The following FAM114A1 variants were observed in gnomAD, a reference collection of about 807,000 sequenced individuals.
The protein encoded by FAM114A1 is protein NOXP20.
FAM114A1 carries 62 observed loss-of-function variants against 64.3 expected under a neutral mutation model. The observed-to-expected ratio is 0.96, with a 90% CI of 0.79 to 1.19. The LOEUF is 1.19. Among genes scored for constraint, FAM114A1 ranks in the 50% most tolerant of loss-of-function variants. FAM114A1 has a pLI of 0.00. For synonymous variants in FAM114A1, 254 were observed against 251.1 expected (o/e 1.01, Z -0.11); for missense variants, 645 against 676.3 (o/e 0.95, Z 0.51).
rs1235321579 is a variant in FAM114A1, at chr4:38,940,818, G to T, written c.1537-150G>T. ...ATGAGACTAAAAAGGTGCAGCAGCG[G>T]GTATGAAGCCTGGTCTGTAGGAAGC... is the stretch of plus-strand genomic sequence containing the variant. On this transcript the variant is annotated intron_variant, in intron 13 of 14. Coordinates refer to ENST00000358869, the MANE Select transcript of FAM114A1 (RefSeq NM_138389.4). 5.5e-6 allele frequency: 4 copies of T among 727,554 alleles called. No individual in the cohort carries two copies. In the Admixed American group the frequency reaches 8.4e-5, roughly 15 times the overall value. The allele number at this position is 727,554 out of a possible 1,614,324, so 45.1% of individuals were successfully genotyped here. A position where few individuals can be genotyped will look rare whatever the true frequency, so the allele number is the denominator to read the frequency against.
At chr4:38,915,620 G>T (rs1376821679) in intron 8 of FAM114A1, among the ~76,000 whole-genome samples, 1 of 152,148 alleles carries the variant, frequency 6.6e-6, no homozygotes, top group Non-Finnish European at 1.5e-5. Context: ...CACACACCTG[G>T]GAAACCCAGC....
intron 4 of FAM114A1, among the ~76,000 whole-genome samples, chr4:38,903,260 G>T (rs915668238): frequency 6.6e-6 from 1 of 152,136 alleles, no homozygotes. Context: ...ATCTGTGATC[G>T]TTTATGTTCT....
chr4:38,911,832 CTTTTT>C (rs112484537), intron 7 of FAM114A1, among the ~76,000 whole-genome samples: 2 of 121,204 alleles, frequency 1.7e-5, no homozygotes, highest in Non-Finnish European at 3.6e-5. Context: ...TTTCTTTCTT[CTTTTT>C]TTTTTTCTTT....
chr4:38,923,386 C>G (rs1384774165), intron 9 of FAM114A1, among the ~76,000 whole-genome samples: 1 of 151,964 alleles, frequency 6.6e-6, no homozygotes, highest in Non-Finnish European at 1.5e-5. Flanking sequence ...CCACGCCCAG[C>G]TAATTTTTGT....
At chr4:38,908,473 A>C in intron 6 of FAM114A1, 119 bp from the exon 7 acceptor site, 1 of 981,328 alleles carries the variant, frequency 1.0e-6, no homozygotes, top group African/African-American at 1.6e-5. Flanking sequence ...GATGAGAAAA[A>C]ATTGTGACTT....
chr4:38,920,300 C>T (rs1719466261), intron 8 of FAM114A1, among the ~76,000 whole-genome samples: 1 of 152,110 alleles, frequency 6.6e-6, no homozygotes, highest in Non-Finnish European at 1.5e-5. Context: ...TGGCAGCACA[C>T]ACCTCCTTTC....
chr4:38,888,805 T>C (rs1464432900), intron 3 of FAM114A1, among the ~76,000 whole-genome samples: 1 of 152,206 alleles, frequency 6.6e-6, no homozygotes, highest in African/African-American at 2.4e-5. Context: ...AATCCCTCTA[T>C]TGGTAATAGG....
chr4:38,921,834 A>G (rs1027406098), intron 8 of FAM114A1, among the ~76,000 whole-genome samples: 7 of 152,238 alleles, frequency 4.6e-5, no homozygotes, highest in African/African-American at 1.7e-4. Context: ...TGTCTTGTGC[A>G]TTTTTGTAAA....
chr4:38,937,178 G>C (rs1174698867), intron 13 of FAM114A1, among the ~76,000 whole-genome samples: 1 of 152,170 alleles, frequency 6.6e-6, no homozygotes, highest in Non-Finnish European at 1.5e-5. Flanking sequence ...TTGGTTTCAA[G>C]TATATTAGTT....
chr4:38,874,758 A>G (rs189612199), intron 2 of FAM114A1, among the ~76,000 whole-genome samples: 255 of 151,958 alleles, frequency 1.7e-3, no homozygotes, highest in Non-Finnish European at 2.7e-3. Context: ...TATCCAGGAT[A>G]GTGTTTCCTA....
At chr4:38,923,650 G>C (rs1277851632) in intron 9 of FAM114A1, among the ~76,000 whole-genome samples, 3 of 152,126 alleles carry the variant, frequency 2.0e-5, no homozygotes, top group Non-Finnish European at 4.4e-5. Flanking sequence ...AGGTGTAAGA[G>C]TTCGGGTATA....
intron 8 of FAM114A1, among the ~76,000 whole-genome samples, chr4:38,919,103 A>G (rs1477335658): frequency 6.6e-6 from 1 of 151,998 alleles, no homozygotes; most frequent in Non-Finnish European, 1.5e-5. Context: ...TAGTGAGCCG[A>G]GATCACACCA....
intron 3 of FAM114A1, among the ~76,000 whole-genome samples, chr4:38,885,043 C>T (rs1362971130): frequency 6.6e-6 from 1 of 151,324 alleles, no homozygotes; most frequent in African/African-American, 2.4e-5. Flanking sequence ...GGCATGATCT[C>T]GGCTCACTGC....
At chr4:38,929,097 A>G (rs535345343) in intron 9 of FAM114A1, 145 bp from the exon 10 acceptor site, 2 of 650,456 alleles carry the variant, frequency 3.1e-6, no homozygotes, top group Non-Finnish European at 5.6e-6. Context: ...AATGGAAGAC[A>G]TTCATCTTTG....
chr4:38,908,104 C>G (rs1393288132), intron 6 of FAM114A1, among the ~76,000 whole-genome samples: 1 of 152,128 alleles, frequency 6.6e-6, no homozygotes, highest in Non-Finnish European at 1.5e-5. Flanking sequence ...GGGTCTTACC[C>G]TCCAGGGCCC....
chr4:38,884,629 T>C (rs1715615874), intron 3 of FAM114A1, among the ~76,000 whole-genome samples: 1 of 152,246 alleles, frequency 6.6e-6, no homozygotes, highest in South Asian at 2.1e-4. Context: ...CAGATCACAT[T>C]GTACCACACT....
At chr4:38,943,330 T>C in intron 14 of FAM114A1, 126 bp from the exon 15 acceptor site, 1 of 730,260 alleles carries the variant, frequency 1.4e-6, no homozygotes, top group African/African-American at 1.8e-5. Flanking sequence ...TAAGCACCAA[T>C]ATTGCAAGAT....
intron 8 of FAM114A1, among the ~76,000 whole-genome samples, chr4:38,920,853 T>A (rs757373565): frequency 2.6e-5 from 4 of 152,212 alleles, no homozygotes; most frequent in Non-Finnish European, 4.4e-5. Context: ...CGTGCAGCCA[T>A]GAGTCTGGGC....
chr4:38,879,007 A>T (rs1308336907), intron 3 of FAM114A1, among the ~76,000 whole-genome samples: 1 of 152,204 alleles, frequency 6.6e-6, no homozygotes, highest in Non-Finnish European at 1.5e-5. Context: ...GAATGCACTC[A>T]TCACCCCTCC....
Sources: gnomAD v4.1 joint callset for allele counts (sites outside exome capture counted in the v4.1 genomes callset) on GRCh38, gnomAD v4.1.1 for gene constraint, MANE v1.5 for transcripts, NCBI Gene and HGNC (gene_info 2026-07-23, HGNC 2026-07-21) for gene names.